The following MACROH2A1 variants were observed in gnomAD, a reference collection of about 807,000 sequenced individuals.
MACROH2A1 encodes the protein core histone macro-H2A.1.
Under a neutral mutation model 31.6 loss-of-function variants are expected in MACROH2A1, and 2 were observed. The observed-to-expected ratio is 0.06, with a 90% CI of 0.03 to 0.20. The LOEUF (loss-of-function observed/expected upper bound fraction) is 0.20, where lower values mean the gene tolerates loss of function less well. MACROH2A1 is among the 10% of genes least tolerant of loss of function. MACROH2A1 has a pLI of 1.00. For missense variants in MACROH2A1, 230 were observed against 474.0 expected, an observed-to-expected ratio of 0.49 and a Z score of 4.78; for synonymous variants, 169 against 189.6, an observed-to-expected ratio of 0.89 and a Z score of 0.89.
intron 5 of MACROH2A1, chr5:135,355,034 T>C: frequency 2.2e-6 from 1 of 453,484 alleles, no homozygotes; most frequent in Non-Finnish European, 4.4e-6. Context: ...CACGCAATTT[T>C]TTCCAATTGT....
intron 2 of MACROH2A1, among the ~76,000 whole-genome samples, chr5:135,371,369 T>C (rs1179900582): frequency 6.6e-6 from 1 of 152,216 alleles, no homozygotes; most frequent in Admixed American, 6.5e-5. Context: ...AACAAATATG[T>C]AAGGTGATGA....
intron 2 of MACROH2A1, among the ~76,000 whole-genome samples, chr5:135,378,370 G>A (rs775478460): frequency 1.7e-4 from 26 of 152,228 alleles, no homozygotes; most frequent in Middle Eastern, 3.4e-3. Context: ...CTGCCTGTGC[G>A]CTCTAGACTT....
intron 5 of MACROH2A1, chr5:135,359,089 G>A (rs1287590780): frequency 1.0e-4 from 103 of 985,274 alleles, no homozygotes; most frequent in Non-Finnish European, 1.2e-4. Context: ...AAATATTTTA[G>A]TTCATCCAGC....
intron 4 of MACROH2A1, among the ~76,000 whole-genome samples, chr5:135,368,767 G>C (rs952537131): frequency 1.3e-5 from 2 of 152,198 alleles, no homozygotes; most frequent in African/African-American, 4.8e-5. Context: ...TCCGGAGGGT[G>C]CTCCTCCACA....
chr5:135,373,282 G>A (rs1230988097), intron 2 of MACROH2A1, among the ~76,000 whole-genome samples: 2 of 151,832 alleles, frequency 1.3e-5, no homozygotes, highest in East Asian at 1.9e-4. Flanking sequence ...GGAAAAATGA[G>A]AATGATGGAT....
intron 6 of MACROH2A1, chr5:135,346,940 G>A (rs1464474050): frequency 6.6e-6 from 1 of 152,194 alleles, no homozygotes; most frequent in Non-Finnish European, 1.5e-5. Context: ...GATAGCAAGT[G>A]GCAATCAAAG....
intron 7 of MACROH2A1, 165 bp from the exon 8 acceptor site, chr5:135,343,599 G>A (rs1760309441): frequency 2.8e-6 from 3 of 1,085,552 alleles, no homozygotes; most frequent in Non-Finnish European, 3.9e-6. Flanking sequence ...ATTCCAACGT[G>A]AGCTGGAGCC....
At position 135,347,249 on chromosome 5, in the gene MACROH2A1, G is replaced by C. The variant is rs1760957487; in HGVS notation, c.689-1192C>G. On this transcript the variant is annotated intron_variant, in intron 6 of 8. Transcript: ENST00000511689. ...CTTTGAATGTTTGTTCTGCAGGGGT[G>C]AACTAACCCCGGGAGGTGTCTGGGA... is the stretch of plus-strand genomic sequence containing the variant. 3 of 152,216 alleles carry C rather than the reference G, an allele frequency of 2.0e-5. No homozygotes were observed. The South Asian group carries it at 6.2e-4, about 31-fold the overall frequency. 9.4% of individuals were successfully genotyped at this position (152,216 alleles called of 1,614,324 possible).
intron 8 of MACROH2A1, among the ~76,000 whole-genome samples, chr5:135,335,571 C>A (rs1208249431): frequency 6.6e-6 from 1 of 152,150 alleles, no homozygotes; most frequent in Non-Finnish European, 1.5e-5. Context: ...TGACCTCTAT[C>A]CACCCACACA....
intron 5 of MACROH2A1, chr5:135,360,240 C>A: frequency 1.9e-6 from 1 of 519,210 alleles, no homozygotes; most frequent in Non-Finnish European, 3.5e-6. Context: ...CAAGGGTCCC[C>A]ATCTCCCACA....
At chr5:135,348,573 G>A (rs1463422426) in intron 6 of MACROH2A1, among the ~76,000 whole-genome samples, 1 of 152,236 alleles carries the variant, frequency 6.6e-6, no homozygotes, top group Non-Finnish European at 1.5e-5. Flanking sequence ...ATGAGAAATG[G>A]AGTGATTACT....
rs555396084 is a variant in MACROH2A1, at chr5:135,337,999, G to A, written c.954-2858C>T. The A allele has an allele frequency of 2.3e-5, 27 of 1,199,260 alleles. No homozygotes were observed. In the African/African-American group the frequency reaches 4.0e-4, roughly 18 times the overall value. 74.3% of individuals were successfully genotyped at this position (1,199,260 alleles called of 1,614,324 possible). On this transcript the variant is annotated intron_variant, in intron 8 of 8. Coordinates refer to ENST00000511689, the MANE Select transcript of MACROH2A1 (RefSeq NM_138610.3). ...TGCTCTGGACTGCGCAGGCTGCCAGGAAGGAATGGCGGAGGTAACGGCTTT... is the reference window on the plus strand; with the variant it reads ...TGCTCTGGACTGCGCAGGCTGCCAGAAAGGAATGGCGGAGGTAACGGCTTT...
At chr5:135,382,018 T>G (rs1220151065) in intron 2 of MACROH2A1, among the ~76,000 whole-genome samples, 3 of 152,246 alleles carry the variant, frequency 2.0e-5, no homozygotes, top group Non-Finnish European at 2.9e-5. Flanking sequence ...TTCTAGAGGA[T>G]ATACTTCAAT....
At chr5:135,337,452 C>T (rs1416228984) in intron 8 of MACROH2A1, among the ~76,000 whole-genome samples, 1 of 152,276 alleles carries the variant, frequency 6.6e-6, no homozygotes, top group Non-Finnish European at 1.5e-5. Context: ...TGCCTGTGAC[C>T]AGTGCTTTCT....
intron 2 of MACROH2A1, among the ~76,000 whole-genome samples, chr5:135,380,816 A>C (rs1765563539): frequency 6.6e-6 from 1 of 152,238 alleles, no homozygotes; most frequent in Non-Finnish European, 1.5e-5. Context: ...GATTAAAGAG[A>C]TATATAACAT....
chr5:135,347,425 G>A (rs1375527741), intron 6 of MACROH2A1: 1 of 152,284 alleles, frequency 6.6e-6, no homozygotes, highest in South Asian at 2.1e-4. Flanking sequence ...CTGTGTCCGA[G>A]AGAGGGTGGC....
chr5:135,358,822 A>G, intron 5 of MACROH2A1: 1 of 985,164 alleles, frequency 1.0e-6, no homozygotes, highest in Non-Finnish European at 1.2e-6. Context: ...ACTGTACTTT[A>G]TTTTTATTCG....
At position 135,360,490 on chromosome 5, in the gene MACROH2A1, T is replaced by C; in HGVS notation, c.588+7A>G. On this transcript the variant is annotated splice_region_variant and intron_variant, in intron 5 of 8. Transcript: ENST00000511689. ...CTCGAGTAGACTGAGGCCGCGCATC[T>C]GCCTACCTTCTGGCCAAGGAAGAGG... 24 of 1,577,766 alleles carry C rather than the reference T, an allele frequency of 1.5e-5. No homozygotes were observed. The highest frequency in any genetic ancestry group is 1.9e-5 in the Non-Finnish European group (22 of 1,146,974).
At chr5:135,391,844 C>T (rs1430229291) in intron 1 of MACROH2A1, among the ~76,000 whole-genome samples, 2 of 152,214 alleles carry the variant, frequency 1.3e-5, no homozygotes, top group African/African-American at 4.8e-5. Context: ...GTTGGTTCAG[C>T]CTCTTTACTT....
Sources: allele counts gnomAD v4.1 joint callset (sites outside exome capture counted in the v4.1 genomes callset), GRCh38; gene constraint gnomAD v4.1.1; transcripts MANE v1.5; gene names NCBI Gene and HGNC (gene_info 2026-07-23, HGNC 2026-07-21).